The following FARP2 variants were observed in gnomAD, a reference collection of about 807,000 sequenced individuals.
The protein encoded by FARP2 is FERM, ARHGEF and pleckstrin domain-containing protein 2.
FARP2 carries 111 observed loss-of-function variants against 130.5 expected under a neutral mutation model. The observed-to-expected ratio is 0.85, with a 90% CI of 0.73 to 1.00. The LOEUF (loss-of-function observed/expected upper bound fraction) is 1.00. Ranked by LOEUF, FARP2 falls within the 50% of genes least tolerant of loss-of-function variation. FARP2 has a pLI of 0.00. For missense variants in FARP2, 1,385 were observed against 1,346.3 expected, an observed-to-expected ratio of 1.03 and a Z score of -0.45; for synonymous variants, 504 against 516.9, an observed-to-expected ratio of 0.98 and a Z score of 0.34.
At chr2:241,481,197 C>A (rs1015219381) in intron 19 of FARP2, among the ~76,000 whole-genome samples, 1 of 152,084 alleles carries the variant, frequency 6.6e-6, no homozygotes, top group African/African-American at 2.4e-5. Flanking sequence ...CCACTGCACT[C>A]CAGCCTAGGC....
rs558877343 is a variant in FARP2, at chr2:241,400,728, C to T, written c.184-3100C>T. ...GGGACTTGGTTGTATGTAGCCTCCC[C>T]ACCCCAAGTACTGACTCAGGGAGAG... On this transcript the variant is annotated intron_variant, in intron 2 of 26. Transcript: ENST00000264042. 2.0e-5 allele frequency among the ~76,000 whole-genome samples: 3 copies of T among 152,256 alleles called. No individual in the cohort carries two copies. The South Asian group carries it at 6.2e-4, about 32-fold the overall frequency.
intron 8 of FARP2, among the ~76,000 whole-genome samples, chr2:241,420,797 G>A (rs1261194406): frequency 6.6e-6 from 1 of 151,994 alleles, no homozygotes; most frequent in Non-Finnish European, 1.5e-5. Flanking sequence ...GCAGACCCTG[G>A]GCTCCACAAT....
intron 24 of FARP2, 124 bp downstream of exon 24, chr2:241,491,803 C>A: frequency 1.1e-6 from 1 of 872,542 alleles, no homozygotes; most frequent in South Asian, 1.8e-5. Flanking sequence ...AGGACTGCCT[C>A]TTACTCTCCC....
chr2:241,473,421 AG>A (rs2064369826), intron 18 of FARP2, among the ~76,000 whole-genome samples: 1 of 151,812 alleles, frequency 6.6e-6, no homozygotes, highest in East Asian at 1.9e-4. Flanking sequence ...CCTGTTCTGC[AG>A]GGGGCACTAC....
intron 11 of FARP2, 79 bp from the exon 12 acceptor site, chr2:241,436,402 A>G (rs912323677): frequency 1.6e-6 from 2 of 1,221,362 alleles, no homozygotes; most frequent in Non-Finnish European, 2.4e-6. Context: ...TCATGGATAC[A>G]GTACATGCTT....
chr2:241,397,107 TCTCA>T (rs1649067886), intron 2 of FARP2, among the ~76,000 whole-genome samples: 1 of 152,144 alleles, frequency 6.6e-6, no homozygotes, highest in Non-Finnish European at 1.5e-5. Flanking sequence ...CACCGCATGT[TCTCA>T]CTCATAGATG....
chr2:241,409,038 T>TAGATGATAGATA (rs1553715970), intron 5 of FARP2, among the ~76,000 whole-genome samples: 38 of 146,046 alleles, frequency 2.6e-4, no homozygotes, highest in African/African-American at 5.9e-4. Context: ...GATAGATAGA[T>TAGATGATAGATA]GATAGATAGA....
At chr2:241,383,971 A>G (rs1434652960) in intron 2 of FARP2, among the ~76,000 whole-genome samples, 1 of 152,004 alleles carries the variant, frequency 6.6e-6, no homozygotes, top group Non-Finnish European at 1.5e-5. Context: ...ACCAGATGCA[A>G]GGCGGCCATT....
intron 24 of FARP2, among the ~76,000 whole-genome samples, chr2:241,491,913 C>A (rs112024891): frequency 2.0e-5 from 3 of 152,162 alleles, no homozygotes; most frequent in African/African-American, 7.2e-5. Context: ...GCAGGCGGGG[C>A]GTGTCCTCAG....
chr2:241,412,473 T>A (rs1406037357), intron 6 of FARP2, among the ~76,000 whole-genome samples: 1 of 152,162 alleles, frequency 6.6e-6, no homozygotes, highest in African/African-American at 2.4e-5. Context: ...GAGAAAAAAC[T>A]CTTGTACTGT....
intron 1 of FARP2, among the ~76,000 whole-genome samples, chr2:241,359,101 CTT>C (rs2061127389): frequency 6.6e-6 from 1 of 152,130 alleles, no homozygotes; most frequent in African/African-American, 2.4e-5. Context: ...TAAAATGTGA[CTT>C]AACTGAAAAG....
At chr2:241,366,092 TA>T (rs201202290) in intron 1 of FARP2, among the ~76,000 whole-genome samples, 3,064 of 73,680 alleles carry the variant, frequency 0.042, 229 homozygotes, top group Non-Finnish European at 0.062. Context: ...TCATCACTAC[TA>T]AAAAAAAAAA....
At chr2:241,427,740 T>C (rs575865582) in intron 8 of FARP2, among the ~76,000 whole-genome samples, 1 of 152,112 alleles carries the variant, frequency 6.6e-6, no homozygotes, top group African/African-American at 2.4e-5. Context: ...GAGGGCTTCA[T>C]CTCTTACCTC....
At chr2:241,449,663 A>G (rs1252104025) in intron 13 of FARP2, among the ~76,000 whole-genome samples, 1 of 152,124 alleles carries the variant, frequency 6.6e-6, no homozygotes, top group Non-Finnish European at 1.5e-5. Context: ...CATATGATGA[A>G]TATTGAGAAA....
chr2:241,483,716 A>C (rs2064683560), intron 20 of FARP2, 183 bp downstream of exon 20: 1 of 835,838 alleles, frequency 1.2e-6, no homozygotes, highest in African/African-American at 1.8e-5. Context: ...AGTGGGAAGA[A>C]GCAGAAAACA....
At chr2:241,483,749 C>A (rs1218464698) in intron 20 of FARP2, 6 of 968,814 alleles carry the variant, frequency 6.2e-6, no homozygotes, top group Non-Finnish European at 6.1e-6. Flanking sequence ...ACCCCAGGGC[C>A]AGCCTCCTTC....
chr2:241,449,794 C>T (rs1208807628), intron 13 of FARP2, among the ~76,000 whole-genome samples: 2 of 151,964 alleles, frequency 1.3e-5, no homozygotes, highest in African/African-American at 4.8e-5. Flanking sequence ...GTCAGGAGTT[C>T]GAGACTAGCC....
intron 5 of FARP2, among the ~76,000 whole-genome samples, chr2:241,410,580 A>G (rs1366870996): frequency 2.0e-5 from 3 of 151,836 alleles, no homozygotes; most frequent in African/African-American, 7.3e-5. Context: ...ACAGGTGTGC[A>G]CACCACGCCC....
At chr2:241,357,868 T>C (rs898244069) in intron 1 of FARP2, among the ~76,000 whole-genome samples, 1 of 152,234 alleles carries the variant, frequency 6.6e-6, no homozygotes, top group Non-Finnish European at 1.5e-5. Context: ...TATTCATTTC[T>C]CTCTGCCTCA....
Sources: allele counts gnomAD v4.1 joint callset (sites outside exome capture counted in the v4.1 genomes callset), GRCh38; gene constraint gnomAD v4.1.1; transcripts MANE v1.5; gene names NCBI Gene and HGNC (gene_info 2026-07-23, HGNC 2026-07-21).